The following PDE4D variants were observed in gnomAD, a reference collection of about 807,000 sequenced individuals.
PDE4D encodes 3',5'-cyclic-AMP phosphodiesterase 4D.
Under a neutral mutation model 87.4 loss-of-function variants are expected in PDE4D, and 24 were observed. That is an observed-to-expected ratio of 0.27 (90% CI 0.20 to 0.39). PDE4D has a LOEUF of 0.39. PDE4D is among the 10% of genes least tolerant of loss of function. PDE4D has a pLI of 1.00. For synonymous variants in PDE4D, 384 were observed against 383.2 expected (o/e 1.00, Z -0.02); for missense variants, 714 against 1,041.0 (o/e 0.69, Z 4.32).
intron 1 of PDE4D, among the ~76,000 whole-genome samples, chr5:60,496,641 A>G (rs79563871): frequency 1.8e-4 from 27 of 152,308 alleles, no homozygotes; most frequent in African/African-American, 6.5e-4. Context: ...TAGGTGCTTG[A>G]CATGTATTTT....
chr5:59,150,194 C>G (rs547407032), intron 5 of PDE4D, among the ~76,000 whole-genome samples: 4 of 152,106 alleles, frequency 2.6e-5, no homozygotes, highest in Admixed American at 2.0e-4. Flanking sequence ...GGTGGAAGAA[C>G]AAGAGGAAGA....
At chr5:60,430,041 G>A (rs1368799439) in intron 1 of PDE4D, 10 of 522,784 alleles carry the variant, frequency 1.9e-5, no homozygotes, top group East Asian at 1.6e-4. Flanking sequence ...AGTATGAGAC[G>A]TTGCTTATTC....
intron 2 of PDE4D, among the ~76,000 whole-genome samples, chr5:60,163,867 C>T (rs115897134): frequency 1.3e-3 from 191 of 152,260 alleles, no homozygotes; most frequent in African/African-American, 4.3e-3. Flanking sequence ...AAGCCTGGCC[C>T]ACTAGCCCCA....
At chr5:60,441,972 A>T (rs1745259268) in intron 1 of PDE4D, among the ~76,000 whole-genome samples, 1 of 152,186 alleles carries the variant, frequency 6.6e-6, no homozygotes, top group South Asian at 2.1e-4. Flanking sequence ...AGAAATAGGA[A>T]TGCTTTTACA....
At chr5:60,343,052 C>A (rs1758440874) in intron 1 of PDE4D, among the ~76,000 whole-genome samples, 1 of 152,108 alleles carries the variant, frequency 6.6e-6, no homozygotes, top group South Asian at 2.1e-4. Context: ...CAGGACAAAG[C>A]TAAGCTCAAC....
intron 1 of PDE4D, among the ~76,000 whole-genome samples, chr5:60,463,843 C>T (rs1445126247): frequency 1.3e-5 from 2 of 152,174 alleles, no homozygotes; most frequent in Non-Finnish European, 2.9e-5. Flanking sequence ...CCTGAAATGG[C>T]TCTCTATCCA....
chr5:60,092,775 G>C (rs1256517532), intron 2 of PDE4D, among the ~76,000 whole-genome samples: 2 of 152,168 alleles, frequency 1.3e-5, no homozygotes, highest in African/African-American at 2.4e-5. Flanking sequence ...TGGAACTAAT[G>C]CCAGATTTAT....
At chr5:60,386,959 G>C (rs1484533667) in intron 1 of PDE4D, among the ~76,000 whole-genome samples, 1 of 152,194 alleles carries the variant, frequency 6.6e-6, no homozygotes, top group East Asian at 1.9e-4. Context: ...AGTCCATGCA[G>C]ACGTGATTGC....
At chr5:60,399,468 T>C (rs1740851095) in intron 1 of PDE4D, among the ~76,000 whole-genome samples, 2 of 152,240 alleles carry the variant, frequency 1.3e-5, no homozygotes, top group Non-Finnish European at 2.9e-5. Context: ...ATGTGAATCT[T>C]AGTGGGAAAC....
At chr5:59,304,218 G>A (rs550632970) in intron 1 of PDE4D, among the ~76,000 whole-genome samples, 3 of 152,088 alleles carry the variant, frequency 2.0e-5, no homozygotes, top group Non-Finnish European at 2.9e-5. Context: ...GTATATAGAA[G>A]AGCTACTGAT....
chr5:59,157,767 T>C (rs186505774), intron 5 of PDE4D, among the ~76,000 whole-genome samples: 9 of 152,288 alleles, frequency 5.9e-5, no homozygotes, highest in Admixed American at 5.9e-4. Context: ...CAGGAAACAT[T>C]GCATAGAAAC....
At chr5:59,154,908 C>CAGAT (rs1207180253) in intron 5 of PDE4D, among the ~76,000 whole-genome samples, 1 of 152,066 alleles carries the variant, frequency 6.6e-6, no homozygotes, top group African/African-American at 2.4e-5. Context: ...TATAGACAGA[C>CAGAT]AGATAGATTT....
At chr5:59,702,435 CT>C (rs989265641) in intron 1 of PDE4D, among the ~76,000 whole-genome samples, 3 of 152,022 alleles carry the variant, frequency 2.0e-5, no homozygotes, top group Non-Finnish European at 4.4e-5. Context: ...CAATTATTCC[CT>C]ACTTTTAAAA....
chr5:59,023,105 G>A (rs189437653), intron 6 of PDE4D, among the ~76,000 whole-genome samples: 32 of 151,740 alleles, frequency 2.1e-4, no homozygotes, highest in Admixed American at 7.9e-4. Flanking sequence ...AACCTGGGAG[G>A]AGAAGGTTGC....
At position 59,788,123 on chromosome 5, in the gene PDE4D, T is replaced by A. The variant is rs10461662; in HGVS notation, c.455+105045A>T. Among the ~76,000 whole-genome samples, 135 of 152,312 alleles carry A rather than the reference T, an allele frequency of 8.9e-4. 2 individuals carry two copies. In the East Asian group the frequency reaches 0.025, roughly 28 times the overall value. On this transcript the variant is annotated intron_variant, in intron 1 of 14. Coordinates refer to ENST00000340635, the MANE Select transcript of PDE4D (RefSeq NM_001104631.2). Reference sequence around the variant, plus strand: ...AAAAAATGCATTCTAGTATGGTGTATCTCTATAAGATAGACATCATGGAAG... The same window carrying A: ...AAAAAATGCATTCTAGTATGGTGTAACTCTATAAGATAGACATCATGGAAG...
Position 59,935,614 on chromosome 5 carries a change from C to T in PDE4D, c.272+52874G>A, listed in dbSNP as rs572766039. 1.2e-4 allele frequency among the ~76,000 whole-genome samples: 19 copies of T among 152,074 alleles called. 1 individual carries two copies. In the South Asian group the frequency reaches 3.7e-3, roughly 30 times the overall value. On this transcript the variant is annotated intron_variant, in intron 3 of 16. Transcript: ENST00000502484. ...CATCCAGAACACATTTTAGTGAATA[C>T]AAAAATGGGTAGATAAAAACAAAAA...
chr5:59,122,162 A>G lies in PDE4D; in HGVS notation c.808+58433T>C, dbSNP rs1370681958. On this transcript the variant is annotated intron_variant, in intron 5 of 14. Transcript: ENST00000340635. Reference sequence around the variant, plus strand: ...ATCTCAAAAAAAAAAAAAAAAAAAAAAAAAGCAAGAAAGAAAGGAAGAAAG... The same window carrying G: ...ATCTCAAAAAAAAAAAAAAAAAAAAGAAAAGCAAGAAAGAAAGGAAGAAAG... Among the ~76,000 whole-genome samples, 36 of 136,240 alleles carry G rather than the reference A, an allele frequency of 2.6e-4. No homozygotes were observed. The East Asian group carries it at 6.9e-3, about 26-fold the overall frequency. 89.4% of individuals were successfully genotyped at this position (136,240 alleles called of 152,430 possible).
At chr5:59,460,215 T>A (rs1036539778) in intron 1 of PDE4D, among the ~76,000 whole-genome samples, 4 of 152,062 alleles carry the variant, frequency 2.6e-5, no homozygotes, top group African/African-American at 9.7e-5. Flanking sequence ...TATTACAAAA[T>A]GAAAAATCCA....
chr5:59,756,613 G>A (rs982289357), intron 1 of PDE4D, among the ~76,000 whole-genome samples: 2 of 151,298 alleles, frequency 1.3e-5, no homozygotes, highest in African/African-American at 2.4e-5. Context: ...TTCCACTATG[G>A]CAATCAAAAC....
Sources: gnomAD v4.1 joint callset for allele counts (sites outside exome capture counted in the v4.1 genomes callset) on GRCh38, gnomAD v4.1.1 for gene constraint, MANE v1.5 for transcripts, NCBI Gene and HGNC (gene_info 2026-07-23, HGNC 2026-07-21) for gene names.